The following CRACD variants were observed in gnomAD, a reference collection of about 807,000 sequenced individuals.
CRACD encodes capping protein inhibiting regulator of actin dynamics.
A neutral mutation model predicts 106.8 loss-of-function variants in CRACD; 56 were observed. That is an observed-to-expected ratio of 0.52 (90% CI 0.42 to 0.66). The LOEUF is 0.66. Ranked by LOEUF, CRACD falls within the 30% of genes least tolerant of loss-of-function variation. The pLI, the probability that CRACD is intolerant of heterozygous loss-of-function variation, is 0.00. For missense variants in CRACD, 1,730 were observed against 1,623.2 expected (o/e 1.07, Z -1.13); for synonymous variants, 754 against 670.8 (o/e 1.12, Z -1.92).
chr4:56,068,680 C>T (rs574899809), intron 1 of CRACD, among the ~76,000 whole-genome samples: 6 of 152,094 alleles, frequency 3.9e-5, no homozygotes, highest in Admixed American at 1.3e-4. Context: ...GCAGCGTGGA[C>T]GTGGGGTGTG....
At chr4:56,109,437 G>A (rs1273922082) in intron 1 of CRACD, among the ~76,000 whole-genome samples, 1 of 152,142 alleles carries the variant, frequency 6.6e-6, no homozygotes, top group East Asian at 1.9e-4. Context: ...CAGGTTGGAG[G>A]AGACTGAGGG....
At chr4:56,057,805 TTTTTTTTTG>T (rs779263257) in intron 1 of CRACD, among the ~76,000 whole-genome samples, 1 of 59,334 alleles carries the variant, frequency 1.7e-5, no homozygotes, top group Non-Finnish European at 3.1e-5. Context: ...TTGTATTTTT[TTTTTTTTTG>T]TTTTTTTTTT....
At chr4:56,202,715 A>G (rs1174183330) in intron 2 of CRACD, among the ~76,000 whole-genome samples, 1 of 152,230 alleles carries the variant, frequency 6.6e-6, no homozygotes, top group Non-Finnish European at 1.5e-5. Context: ...TTTCTAAAGT[A>G]TATGGAAATA....
In CRACD at chr4:56,179,442, A is replaced by G. The variant is rs929153177; in HGVS notation, c.-189+12A>G. 2.6e-5 allele frequency: 4 copies of G among 152,202 alleles called. No individual in the cohort carries two copies. Among genetic ancestry groups the G allele is most frequent in the Non-Finnish European group, 5.9e-5 (4 of 68,038 alleles). The allele number at this position is 152,202 out of a possible 1,614,324, so 9.4% of individuals were successfully genotyped here. A position where few individuals can be genotyped will look rare whatever the true frequency, so the allele number is the denominator to read the frequency against. ...GGCTATTAAGATAGGTAAGTCTTTT[A>G]TGTAGAGTATGGAGAGGGAAGTAGC... On this transcript the variant is annotated intron_variant, in intron 2 of 10. Coordinates refer to ENST00000682029, the MANE Select transcript of CRACD (RefSeq NM_001393381.1).
At position 56,316,132 on chromosome 4, in the gene CRACD, A is replaced by G; in HGVS notation, c.2630A>G (p.Asp877Gly). The change falls in exon 8 of 11, where the codon GAC becomes GGC. Residue 877 changes from aspartate (D) to glycine (G), a missense_variant. Physicochemically the swap from Asp to Gly is moderately conservative, Grantham distance 94. This residue lies in a region of CRACD where 1,620 missense variants were observed against 1,481.6 expected (regional missense o/e 1.09). Transcript: ENST00000682029. Reference protein sequence around the residue: ...KKKKRHSSTGDSADAGPPAAG... With the variant: ...KKKKRHSSTGGSADAGPPAAG... ...AAGAAGAGGCACAGCAGCACCGGAG[A>G]CAGCGCGGATGCAGGGCCGCCTGCA... is the stretch of plus-strand genomic sequence containing the variant. 3 of 1,614,184 alleles carry G rather than the reference A, an allele frequency of 1.9e-6. No homozygotes were observed. Among genetic ancestry groups the G allele is most frequent in the Admixed American group, 1.7e-5 (1 of 60,032 alleles).
chr4:56,087,418 G>T (rs548737796), intron 1 of CRACD, among the ~76,000 whole-genome samples: 1 of 152,310 alleles, frequency 6.6e-6, no homozygotes, highest in African/African-American at 2.4e-5. Context: ...CCATTGACAT[G>T]TGGAAATGTT....
chr4:56,177,679 T>C (rs916362809), intron 1 of CRACD, among the ~76,000 whole-genome samples: 30 of 152,338 alleles, frequency 2.0e-4, no homozygotes, highest in Middle Eastern at 6.8e-3. Context: ...TTTTTATTGC[T>C]ACTTCAATCT....
chr4:56,094,086 A>C (rs1733514559), intron 1 of CRACD, among the ~76,000 whole-genome samples: 1 of 152,214 alleles, frequency 6.6e-6, no homozygotes, highest in African/African-American at 2.4e-5. Flanking sequence ...ATATTGATTG[A>C]GTCCAATGTT....
intron 2 of CRACD, among the ~76,000 whole-genome samples, chr4:56,183,231 C>A (rs1736919002): frequency 2.7e-5 from 1 of 37,222 alleles, no homozygotes; most frequent in Admixed American, 2.4e-4. Context: ...GAAACTCCGT[C>A]TCAAAAAATA....
chr4:56,244,823 G>T lies in CRACD; in HGVS notation c.-188-27498G>T, dbSNP rs6824847. ...AATATAACTCCTGCTCACAAATCAT[G>T]AAGGTGGAACACATTTCCCACATAG... is the stretch of plus-strand genomic sequence containing the variant. On this transcript the variant is annotated intron_variant, in intron 2 of 10. Transcript: ENST00000682029. Among the ~76,000 whole-genome samples the T allele has an allele frequency of 6.6e-3, 1,001 of 152,354 alleles. 14 individuals are homozygous for T. Among genetic ancestry groups the T allele is most frequent in the African/African-American group, 0.023 (960 of 41,580 alleles).
chr4:56,234,171 C>T (rs149850122), intron 2 of CRACD, among the ~76,000 whole-genome samples: 6 of 152,146 alleles, frequency 3.9e-5, no homozygotes, highest in East Asian at 1.9e-4. Context: ...TTCACAGTGT[C>T]GTGCAACCAT....
At chr4:56,180,052 C>G (rs1430728465) in intron 2 of CRACD, among the ~76,000 whole-genome samples, 1 of 151,864 alleles carries the variant, frequency 6.6e-6, no homozygotes, top group Admixed American at 6.6e-5. Flanking sequence ...TCATTGTTTT[C>G]TTGCTATTAG....
intron 2 of CRACD, among the ~76,000 whole-genome samples, chr4:56,194,392 C>T (rs1418304946): frequency 6.6e-6 from 1 of 152,116 alleles, no homozygotes; most frequent in African/African-American, 2.4e-5. Context: ...CTAAGAGATA[C>T]ATAAAAGGAA....
intron 2 of CRACD, 71 bp from the exon 3 acceptor site, chr4:56,272,250 A>G (rs1412436528): frequency 6.5e-6 from 1 of 153,658 alleles, no homozygotes; most frequent in African/African-American, 2.4e-5. Flanking sequence ...CAGCTGGGTT[A>G]TAATTTGCTC....
intron 1 of CRACD, among the ~76,000 whole-genome samples, chr4:56,089,038 G>A (rs1013787435): frequency 2.0e-5 from 3 of 152,126 alleles, no homozygotes; most frequent in African/African-American, 7.2e-5. Flanking sequence ...TTTTTCTGTA[G>A]TATTGTACCT....
intron 4 of CRACD, among the ~76,000 whole-genome samples, chr4:56,303,842 C>T (rs780481969): frequency 6.6e-5 from 10 of 152,206 alleles, no homozygotes; most frequent in Non-Finnish European, 1.2e-4. Context: ...GACAGTGCTT[C>T]GTCTGGACAT....
chr4:56,309,538 G>T (rs1472616984), intron 5 of CRACD, among the ~76,000 whole-genome samples: 1 of 152,088 alleles, frequency 6.6e-6, no homozygotes, highest in East Asian at 1.9e-4. Context: ...GCAACATTTT[G>T]TAGAGACCTC....
At chr4:56,083,635 C>T (rs1279095724) in intron 1 of CRACD, among the ~76,000 whole-genome samples, 1 of 151,958 alleles carries the variant, frequency 6.6e-6, no homozygotes, top group East Asian at 1.9e-4. Context: ...TCTATAGCTA[C>T]CCTAGACTAA....
At chr4:56,299,695 CAA>C (rs1360483141) in intron 4 of CRACD, among the ~76,000 whole-genome samples, 1 of 151,702 alleles carries the variant, frequency 6.6e-6, no homozygotes, top group Non-Finnish European at 1.5e-5. Flanking sequence ...TTCGCTTACC[CAA>C]GAGAAATGCC....
Sources: gnomAD v4.1 joint callset for allele counts (sites outside exome capture counted in the v4.1 genomes callset) on GRCh38, gnomAD v4.1.1 for gene constraint, gnomAD v4.1.1 regional missense constraint, MANE v1.5 for transcripts, NCBI Gene and HGNC (gene_info 2026-07-23, HGNC 2026-07-21) for gene names.